Variants in CLVS1 observed in about 807,000 individuals in gnomAD.
CLVS1 encodes clavesin-1.
In CLVS1, 10 loss-of-function variants were observed where a neutral mutation model predicts 33.1. That is an observed-to-expected ratio of 0.30 (90% CI 0.19 to 0.51). The LOEUF (loss-of-function observed/expected upper bound fraction) is 0.51. Among genes scored for constraint, CLVS1 ranks in the 20% least tolerant of loss-of-function variants. CLVS1 has a pLI of 0.97. For missense variants in CLVS1, 343 were observed against 433.4 expected, an observed-to-expected ratio of 0.79 and a Z score of 1.85; for synonymous variants, 163 against 166.1, an observed-to-expected ratio of 0.98 and a Z score of 0.14.
At chr8:61,419,966 T>C (rs1401251467) in intron 3 of CLVS1, among the ~76,000 whole-genome samples, 1 of 152,250 alleles carries the variant, frequency 6.6e-6, no homozygotes, top group Non-Finnish European at 1.5e-5. Flanking sequence ...ATATTGGCTT[T>C]ATGGTAAAGA....
chr8:61,490,644 C>T (rs1428573078), intron 5 of CLVS1, among the ~76,000 whole-genome samples: 9 of 130,420 alleles, frequency 6.9e-5, no homozygotes, highest in Admixed American at 2.6e-4. Context: ...GGTGACAGAG[C>T]GAGATCCGTC....
chr8:61,428,204 G>A (rs1563549089), intron 3 of CLVS1, among the ~76,000 whole-genome samples: 1 of 152,130 alleles, frequency 6.6e-6, no homozygotes, highest in East Asian at 1.9e-4. Context: ...TTAGAAGGCG[G>A]CTTTTGCATT....
chr8:61,499,549 A>G lies in CLVS1; in HGVS notation c.*7A>G. On this transcript the variant is annotated 3_prime_UTR_variant, in exon 6 of 6. Coordinates refer to ENST00000325897, the MANE Select transcript of CLVS1 (RefSeq NM_173519.3). The stretch of plus-strand genomic sequence containing the variant: ...ACTCCTGGCTCTGGACTGAACCCTG[A>G]GTCACCCCAATGCTCCTGCACACTG... The G allele has an allele frequency of 6.2e-7, 1 of 1,609,950 alleles. No homozygotes were observed. Among genetic ancestry groups the G allele is most frequent in the Non-Finnish European group, 8.5e-7 (1 of 1,176,468 alleles).
intron 2 of CLVS1, among the ~76,000 whole-genome samples, chr8:61,331,171 T>G (rs2129597226): frequency 6.6e-6 from 1 of 152,330 alleles, no homozygotes; most frequent in South Asian, 2.1e-4. Context: ...TTCAGAATTT[T>G]GGAGGCATTT....
chr8:61,032,366 G>A, the CLVS1 span, among the ~76,000 whole-genome samples: 2,212 of 152,312 alleles, frequency 0.015, 59 homozygotes, highest in African/African-American at 0.05. Context: ...ACAAGGCAGA[G>A]AATGGACACG....
chr8:61,344,910 G>T (rs1206819138), intron 2 of CLVS1, among the ~76,000 whole-genome samples: 2 of 151,802 alleles, frequency 1.3e-5, no homozygotes, highest in South Asian at 4.2e-4. Context: ...AAAAAAAGGT[G>T]TAATTCCAAA....
intron 3 of CLVS1, among the ~76,000 whole-genome samples, chr8:61,389,131 T>C (rs1180926469): frequency 6.6e-6 from 1 of 152,204 alleles, no homozygotes; most frequent in Non-Finnish European, 1.5e-5. Context: ...TATTCTAATT[T>C]TACACATAAT....
At chr8:61,273,249 C>T (rs7008445) in intron 2 of CLVS1, among the ~76,000 whole-genome samples, 1,848 of 150,508 alleles carry the variant, frequency 0.012, 42 homozygotes, top group African/African-American at 0.043. Flanking sequence ...AATACCCTGC[C>T]GTGTGAGGTG....
chr8:61,047,024 A>G, the CLVS1 span, among the ~76,000 whole-genome samples: 21 of 152,224 alleles, frequency 1.4e-4, no homozygotes, highest in South Asian at 1.7e-3. Context: ...TTCCAACACT[A>G]TGTTGAATAG....
At chr8:61,275,840 T>C (rs150775705) in intron 2 of CLVS1, among the ~76,000 whole-genome samples, 2 of 152,212 alleles carry the variant, frequency 1.3e-5, no homozygotes, top group Non-Finnish European at 2.9e-5. Context: ...TAAGACCCTA[T>C]GACAGGTTTA....
intron 3 of CLVS1, among the ~76,000 whole-genome samples, chr8:61,394,943 C>T (rs1427017946): frequency 6.6e-6 from 1 of 152,216 alleles, no homozygotes; most frequent in Non-Finnish European, 1.5e-5. Context: ...AGATGTTGAG[C>T]ATTTTGTCAT....
At chr8:61,356,335 T>C (rs1585850901) in intron 2 of CLVS1, among the ~76,000 whole-genome samples, 1 of 152,192 alleles carries the variant, frequency 6.6e-6, no homozygotes, top group Non-Finnish European at 1.5e-5. Flanking sequence ...GATGAGTAGG[T>C]TGTGAAAATT....
chr8:61,064,536 CATTT>C (rs1804640459), intron 1 of CLVS1, among the ~76,000 whole-genome samples: 2 of 141,446 alleles, frequency 1.4e-5, no homozygotes, highest in Middle Eastern at 3.8e-3. Context: ...GTTCTTTGCC[CATTT>C]TTTTTTTTTT....
intron 5 of CLVS1, among the ~76,000 whole-genome samples, chr8:61,498,909 G>C (rs923873042): frequency 1.3e-5 from 2 of 152,150 alleles, no homozygotes; most frequent in Non-Finnish European, 2.9e-5. Flanking sequence ...CAATGACTCT[G>C]AGAGACAAAA....
chr8:61,363,074 G>T (rs1813052056), intron 2 of CLVS1, among the ~76,000 whole-genome samples: 2 of 152,156 alleles, frequency 1.3e-5, no homozygotes, highest in South Asian at 4.1e-4. Flanking sequence ...ATTTCAGATA[G>T]AACTTTCCAG....
the CLVS1 span, among the ~76,000 whole-genome samples, chr8:60,998,963 A>G: frequency 8.5e-4 from 130 of 152,272 alleles, 1 homozygote; most frequent in Middle Eastern, 3.4e-3. Context: ...CACAGAGATG[A>G]GCCTCCCAGG....
At chr8:61,285,462 G>A (rs887955116), upstream of CLVS1, among the ~76,000 whole-genome samples, 2 of 152,030 alleles carry the variant, frequency 1.3e-5, no homozygotes, top group East Asian at 1.9e-4. Flanking sequence ...TTTCAGCTCC[G>A]CACATGGAAG....
intron 2 of CLVS1, among the ~76,000 whole-genome samples, chr8:61,139,031 C>T (rs1431388910): frequency 1.3e-5 from 2 of 152,270 alleles, no homozygotes; most frequent in African/African-American, 2.4e-5. Context: ...TAGAAGCACC[C>T]GCGCTGCGGG....
chr8:61,319,933 A>G (rs1811136486), intron 2 of CLVS1, among the ~76,000 whole-genome samples: 1 of 152,098 alleles, frequency 6.6e-6, no homozygotes, highest in African/African-American at 2.4e-5. Context: ...TTATGCCTTT[A>G]ATTATTTTTG....
Sources: allele counts gnomAD v4.1 joint callset (sites outside exome capture counted in the v4.1 genomes callset), GRCh38; gene constraint gnomAD v4.1.1; transcripts MANE v1.5; gene names NCBI Gene and HGNC (gene_info 2026-07-23, HGNC 2026-07-21).